Variants in COPS7B observed in about 807,000 individuals in gnomAD.
COPS7B encodes the protein COP9 signalosome subunit 7B.
COPS7B carries 9 observed loss-of-function variants against 33.4 expected under a neutral mutation model. The ratio of observed to expected loss-of-function variants is 0.27; its 90% confidence interval spans 0.16 to 0.47. The LOEUF is 0.47. Among genes scored for constraint, COPS7B ranks in the 20% least tolerant of loss-of-function variants. The probability of loss-of-function intolerance (pLI) is 0.99; values close to 1 mark genes in which losing one functional copy is unlikely to be tolerated. For missense variants in COPS7B, 242 were observed against 318.2 expected (o/e 0.76, Z 1.82); for synonymous variants, 119 against 126.3 (o/e 0.94, Z 0.39).
intron 3 of COPS7B, chr2:231,792,021 C>T (rs1167799233): frequency 4.4e-6 from 3 of 681,874 alleles, no homozygotes; most frequent in East Asian, 2.9e-5. Flanking sequence ...TGTGTGTGCT[C>T]ATCCACAAAT....
chr2:231,781,846 C>A (rs1305580116), upstream of COPS7B: 1 of 1,550,926 alleles, frequency 6.4e-7, no homozygotes. Context: ...AGAGAGTTAA[C>A]TTCTGTTTAC....
chr2:231,791,937 C>G, intron 3 of COPS7B, 129 bp downstream of exon 3: 1 of 810,122 alleles, frequency 1.2e-6, no homozygotes, highest in South Asian at 1.4e-5. Context: ...TCCCATTTTG[C>G]TGTGCCCGGT....
At chr2:231,805,432 T>TA (rs955942611) in intron 6 of COPS7B, among the ~76,000 whole-genome samples, 144 of 106,176 alleles carry the variant, frequency 1.4e-3, no homozygotes, top group African/African-American at 2.6e-3. Flanking sequence ...TATATATATA[T>TA]TTTTTTTTAA....
intron 6 of COPS7B, among the ~76,000 whole-genome samples, chr2:231,805,750 C>T (rs2049876891): frequency 6.6e-6 from 1 of 152,066 alleles, no homozygotes; most frequent in African/African-American, 2.4e-5. Context: ...TTAAGCGATC[C>T]TCCTGCCTCA....
upstream of COPS7B, among the ~76,000 whole-genome samples, chr2:231,784,611 C>T (rs1458708691): frequency 2.6e-5 from 4 of 152,192 alleles, no homozygotes; most frequent in African/African-American, 7.2e-5. Flanking sequence ...CTTCCTCTCA[C>T]TCTCATATTT....
At position 231,807,549 on chromosome 2, in the gene COPS7B, G is replaced by C. The variant is rs546528068; in HGVS notation, c.699G>C (p.Gln233His). The C allele has an allele frequency of 5.0e-5, 81 of 1,613,138 alleles. 2 individuals carry two copies. The South Asian group carries it at 8.5e-4, about 17-fold the overall frequency. Residue 233 changes from glutamine (Q) to histidine (H), a missense_variant, in exon 7 of 7, where the codon CAG becomes CAC. Physicochemically the swap from Gln to His is conservative, Grantham distance 24 (BLOSUM62 0). Transcript: ENST00000350033. ...CCTCCTCGGCTCAGGAGATGGAGCA[G>C]CAGCTGGCTGAACGGGAGTGTCCCC... ...TASSSAQEME[Q>H]QLAERECPPH...
intron 6 of COPS7B, among the ~76,000 whole-genome samples, chr2:231,804,756 GT>G (rs1184262841): frequency 6.6e-6 from 1 of 152,108 alleles, no homozygotes; most frequent in Non-Finnish European, 1.5e-5. Context: ...AAACTTGTTT[GT>G]TTTCTAATGT....
intron 6 of COPS7B, among the ~76,000 whole-genome samples, chr2:231,802,220 T>C (rs1274647172): frequency 6.6e-6 from 1 of 152,214 alleles, no homozygotes; most frequent in Non-Finnish European, 1.5e-5. Flanking sequence ...TGTTTTCCAT[T>C]ATGTAGAAAA....
At chr2:231,797,357 A>G (rs1417299910) in intron 5 of COPS7B, among the ~76,000 whole-genome samples, 3 of 152,188 alleles carry the variant, frequency 2.0e-5, no homozygotes, top group African/African-American at 4.8e-5. Flanking sequence ...CACCTTCTCT[A>G]TACAACATCT....
chr2:231,801,409 A>G, intron 6 of COPS7B: 1 of 591,980 alleles, frequency 1.7e-6, no homozygotes, highest in Non-Finnish European at 2.1e-6. Context: ...GAGCATTACA[A>G]AGCACTTTCA....
upstream of COPS7B, chr2:231,786,301 C>A (rs556811049): frequency 9.1e-6 from 3 of 327,954 alleles, no homozygotes; most frequent in African/African-American, 4.5e-5. Flanking sequence ...CTCTTCCCCG[C>A]CCCCTCGCTC....
chr2:231,791,534 T>G, intron 2 of COPS7B, 199 bp from the exon 3 acceptor site: 1 of 569,300 alleles, frequency 1.8e-6, no homozygotes, highest in East Asian at 2.9e-5. Flanking sequence ...GAGAGAGAAA[T>G]TAAATTTGGG....
At chr2:231,798,540 C>G (rs1274579687) in intron 5 of COPS7B, among the ~76,000 whole-genome samples, 1 of 152,180 alleles carries the variant, frequency 6.6e-6, no homozygotes, top group African/African-American at 2.4e-5. Context: ...CAGGTGGGAG[C>G]CACTGCACCC....
intron 3 of COPS7B, among the ~76,000 whole-genome samples, chr2:231,792,822 C>T (rs2049456568): frequency 6.6e-6 from 1 of 152,114 alleles, no homozygotes; most frequent in African/African-American, 2.4e-5. Flanking sequence ...GGCTTTCCTA[C>T]CCTTTTTTAA....
chr2:231,799,372 T>C (rs149809249), intron 6 of COPS7B, among the ~76,000 whole-genome samples: 2 of 151,892 alleles, frequency 1.3e-5, no homozygotes, highest in East Asian at 3.9e-4. Context: ...GCCCTGGGAG[T>C]GTTCTGCTTC....
intron 6 of COPS7B, among the ~76,000 whole-genome samples, chr2:231,806,413 C>T (rs1208866701): frequency 6.6e-6 from 1 of 151,962 alleles, no homozygotes; most frequent in African/African-American, 2.4e-5. Context: ...ATTAGCCAGG[C>T]ATGGTGGCAA....
Position 231,791,754 on chromosome 2 carries a change from G to C in COPS7B, c.184G>C (p.Ala62Pro). The C allele has an allele frequency of 6.2e-7, 1 of 1,614,138 alleles. No individual in the cohort carries two copies. The highest frequency in any genetic ancestry group is 1.1e-5 in the South Asian group (1 of 91,086). ...TCAGCTTGCGGAAGGAGCTAATGCT[G>C]CTTATTTGCAGTTGTTGAACCTGTT... The part of the protein sequence containing the change: ...VQELAEGANA[A>P]YLQLLNLFAY... Residue 62 changes from alanine (A) to proline (P), a missense_variant, in exon 3 of 7, where the codon GCT becomes CCT. Transcript: ENST00000350033.
At chr2:231,801,294 T>G (rs2049738027) in intron 6 of COPS7B, 3 of 1,533,230 alleles carry the variant, frequency 2.0e-6, no homozygotes, top group Non-Finnish European at 2.6e-6. Flanking sequence ...TTTAGGCTTT[T>G]GTGGAAATAA....
chr2:231,787,571 G>GTTT (rs372377989), intron 1 of COPS7B, among the ~76,000 whole-genome samples: 1 of 143,526 alleles, frequency 7.0e-6, no homozygotes, highest in African/African-American at 2.5e-5. Flanking sequence ...TTTTCTTGAG[G>GTTT]TTTTTTTTTT....
Sources: gnomAD v4.1 joint callset for allele counts (sites outside exome capture counted in the v4.1 genomes callset) on GRCh38, gnomAD v4.1.1 for gene constraint, MANE v1.5 for transcripts, NCBI Gene and HGNC (gene_info 2026-07-23, HGNC 2026-07-21) for gene names.